Variants in RPH3A observed in about 807,000 individuals in gnomAD.
RPH3A encodes rabphilin-3A.
In RPH3A, 48 loss-of-function variants were observed where a neutral mutation model predicts 102.2. That is an observed-to-expected ratio of 0.47 (90% CI 0.37 to 0.60). The LOEUF (loss-of-function observed/expected upper bound fraction) is 0.60, where lower values mean the gene tolerates loss of function less well. RPH3A is among the 20% of genes least tolerant of loss of function. The pLI is 0.00. For synonymous variants in RPH3A, 310 were observed against 324.3 expected (o/e 0.96, Z 0.47); for missense variants, 781 against 910.1 (o/e 0.86, Z 1.83).
intron 1 of RPH3A, among the ~76,000 whole-genome samples, chr12:112,768,176 G>A (rs542570303): frequency 2.6e-5 from 4 of 152,244 alleles, no homozygotes; most frequent in African/African-American, 9.6e-5. Context: ...CCTGACTCAC[G>A]GTAACCGCAT....
chr12:112,755,768 T>A (rs994330734), intron 1 of RPH3A, among the ~76,000 whole-genome samples: 21 of 152,126 alleles, frequency 1.4e-4, no homozygotes, highest in African/African-American at 5.1e-4. Flanking sequence ...CTAGTTGCTA[T>A]CAGCAGAGCC....
intron 2 of RPH3A, among the ~76,000 whole-genome samples, chr12:112,808,252 C>T (rs375648521): frequency 2.6e-5 from 4 of 152,158 alleles, no homozygotes; most frequent in South Asian, 4.1e-4. Context: ...TGGAGAAGAA[C>T]GTGAAGGTCT....
intron 1 of RPH3A, among the ~76,000 whole-genome samples, chr12:112,726,123 T>C (rs372169675): frequency 1.1e-4 from 16 of 140,414 alleles, no homozygotes; most frequent in African/African-American, 3.4e-4. Context: ...GGGGGTGTAC[T>C]GGGGAGTGGG....
At chr12:112,622,088 T>TA (rs946449717) in intron 1 of RPH3A, among the ~76,000 whole-genome samples, 3 of 147,752 alleles carry the variant, frequency 2.0e-5, no homozygotes. Flanking sequence ...GAAAAGTAGA[T>TA]AAAACCACAA....
intron 1 of RPH3A, among the ~76,000 whole-genome samples, chr12:112,786,571 C>T (rs186136622): frequency 2.2e-4 from 33 of 152,256 alleles, no homozygotes; most frequent in African/African-American, 7.5e-4. Flanking sequence ...AAGGCATGGA[C>T]GCCCTAGCAG....
At chr12:112,663,422 C>T (rs2040063625) in intron 1 of RPH3A, among the ~76,000 whole-genome samples, 1 of 151,978 alleles carries the variant, frequency 6.6e-6, no homozygotes, top group Non-Finnish European at 1.5e-5. Flanking sequence ...CCATGTTGCC[C>T]AGGATGGTCT....
chr12:112,852,338 T>C (rs1002935733), intron 5 of RPH3A, among the ~76,000 whole-genome samples: 4 of 152,126 alleles, frequency 2.6e-5, no homozygotes, highest in Non-Finnish European at 4.4e-5. Flanking sequence ...AGGAAATAGA[T>C]CCTATCTCCT....
chr12:112,638,916 G>T (rs989718036), intron 1 of RPH3A, among the ~76,000 whole-genome samples: 2 of 152,184 alleles, frequency 1.3e-5, no homozygotes, highest in Admixed American at 6.5e-5. Flanking sequence ...TTTCCTGGGT[G>T]CCCAGGACAG....
chr12:112,592,271 GATTAAA>G (rs1395666601), intron 1 of RPH3A, among the ~76,000 whole-genome samples: 1 of 151,952 alleles, frequency 6.6e-6, no homozygotes, highest in Non-Finnish European at 1.5e-5. Context: ...TAAACAAATA[GATTAAA>G]ATTAAAATAA....
chr12:112,697,195 G>A (rs1400358904), intron 1 of RPH3A, among the ~76,000 whole-genome samples: 1 of 152,004 alleles, frequency 6.6e-6, no homozygotes, highest in Admixed American at 6.6e-5. Context: ...GTATTTTCAG[G>A]CAACATGATC....
intron 1 of RPH3A, among the ~76,000 whole-genome samples, chr12:112,594,105 G>A (rs574063863): frequency 5.9e-5 from 9 of 152,198 alleles, no homozygotes; most frequent in Admixed American, 2.6e-4. Context: ...CTTTTGTTTC[G>A]GTACTGCCTC....
intron 2 of RPH3A, among the ~76,000 whole-genome samples, chr12:112,810,818 T>G (rs2041558830): frequency 6.6e-6 from 1 of 152,216 alleles, no homozygotes; most frequent in African/African-American, 2.4e-5. Context: ...TATTCTTCAT[T>G]GTAAGAGGAA....
At chr12:112,803,156 C>A (rs11615339) in intron 2 of RPH3A, among the ~76,000 whole-genome samples, 9 of 152,154 alleles carry the variant, frequency 5.9e-5, no homozygotes, top group Non-Finnish European at 1.3e-4. Context: ...AGTGTGAGGG[C>A]AGCCCCAGGT....
At chr12:112,712,924 C>CTT (rs879407137) in intron 1 of RPH3A, among the ~76,000 whole-genome samples, 7,958 of 94,870 alleles carry the variant, frequency 0.084, 746 homozygotes, top group African/African-American at 0.13. Flanking sequence ...TCTTCTTCTT[C>CTT]CTCTTCTTCT....
At chr12:112,892,241 C>A (rs1040746386) in intron 19 of RPH3A, among the ~76,000 whole-genome samples, 3 of 152,064 alleles carry the variant, frequency 2.0e-5, no homozygotes, top group African/African-American at 7.2e-5. Flanking sequence ...TGCTCATCTG[C>A]AAAATGGACA....
chr12:112,712,904 C>CTCTTCTTCTTCTTCTTCCTCTTCT (rs2040475328), intron 1 of RPH3A, among the ~76,000 whole-genome samples: 3 of 92,542 alleles, frequency 3.2e-5, no homozygotes, highest in African/African-American at 1.7e-4. Flanking sequence ...CTTCTTCTTC[C>CTCTTCTTCTTCTTCTTCCTCTTCT]TCTTCTTCTT....
At chr12:112,879,787 C>T (rs996583549) in intron 14 of RPH3A, among the ~76,000 whole-genome samples, 9 of 152,320 alleles carry the variant, frequency 5.9e-5, no homozygotes, top group Middle Eastern at 6.8e-3. Context: ...CCCTACCCTG[C>T]AAAGCCCCAA....
chr12:112,802,209 C>T (rs1173345742), intron 2 of RPH3A, among the ~76,000 whole-genome samples: 2 of 152,144 alleles, frequency 1.3e-5, no homozygotes, highest in Non-Finnish European at 2.9e-5. Context: ...TGCTGAGTGT[C>T]CTCATGACAT....
intron 5 of RPH3A, among the ~76,000 whole-genome samples, chr12:112,861,145 CT>C (rs1268518846): frequency 1.3e-5 from 2 of 152,200 alleles, no homozygotes; most frequent in East Asian, 3.8e-4. Context: ...AGGTTGGCCC[CT>C]GAACTGGCTC....
Sources: gnomAD v4.1 joint callset for allele counts (sites outside exome capture counted in the v4.1 genomes callset) on GRCh38, gnomAD v4.1.1 for gene constraint, MANE v1.5 for transcripts, NCBI Gene and HGNC (gene_info 2026-07-23, HGNC 2026-07-21) for gene names.